ARHGEF3: variants seen among roughly 807,000 people sequenced by gnomAD.
ARHGEF3 encodes Rho guanine nucleotide exchange factor 3.
Under a neutral mutation model 63.2 loss-of-function variants are expected in ARHGEF3, and 28 were observed. The ratio of observed to expected loss-of-function variants is 0.44; its 90% CI spans 0.33 to 0.61. ARHGEF3 has a LOEUF of 0.61. ARHGEF3 is among the 20% of genes least tolerant of loss of function. The pLI, the probability that ARHGEF3 is intolerant of heterozygous loss-of-function variation, is 0.03. For synonymous variants in ARHGEF3, 266 were observed against 254.2 expected, an observed-to-expected ratio of 1.05 and a Z score of -0.44; for missense variants, 533 against 659.3, an observed-to-expected ratio of 0.81 and a Z score of 2.10.
intron 4 of ARHGEF3, chr3:56,882,267 T>G: frequency 1.3e-6 from 2 of 1,543,898 alleles, no homozygotes; most frequent in Non-Finnish European, 1.8e-6. Flanking sequence ...TCGGTGCCAG[T>G]GGGGGAAGAA....
intron 6 of ARHGEF3, among the ~76,000 whole-genome samples, chr3:56,750,369 G>A (rs2034663028): frequency 6.6e-6 from 1 of 152,126 alleles, no homozygotes; most frequent in Non-Finnish European, 1.5e-5. Flanking sequence ...ATAAATTTAT[G>A]ACTCCTAATC....
At position 56,801,923 on chromosome 3, in the gene ARHGEF3, C is replaced by G. The variant is rs1366368055; in HGVS notation, c.-125G>C. On this transcript the variant is annotated 5_prime_UTR_variant, in exon 1 of 10. Transcript: ENST00000296315. ...CGGCGGCGACACGGAGACCGACAGC[C>G]GGCTTCTAGCCGGGCAGGACTCGAC... is the stretch of plus-strand genomic sequence containing the variant. The G allele has an allele frequency of 2.8e-6, 4 of 1,404,622 alleles. No homozygotes were observed. Among genetic ancestry groups the G allele is most frequent in the Admixed American group, 2.1e-5 (1 of 46,610 alleles). The allele number at this position is 1,404,622 out of a possible 1,614,324, so 87.0% of individuals were successfully genotyped here. A position where few individuals can be genotyped will look rare whatever the true frequency, so the allele number is the denominator to read the frequency against.
At position 56,987,097 on chromosome 3, in the gene ARHGEF3, A is replaced by G. The variant is rs545516828; in HGVS notation, c.63-28208T>C. On this transcript the variant is annotated intron_variant, in intron 2 of 12. Coordinates refer to the ARHGEF3 transcript ENST00000338458. ...CATGGTGATGCATGCCTGTAGTCCC[A>G]GCTACTAGGAAGGCTAAGATGGGAG... 9.8e-5 allele frequency among the ~76,000 whole-genome samples: 15 copies of G among 152,288 alleles called. No homozygotes were observed. The South Asian group carries it at 2.9e-3, about 29-fold the overall frequency.
intron 1 of ARHGEF3, chr3:57,060,467 C>T (rs1456989175): frequency 6.6e-6 from 1 of 152,192 alleles, no homozygotes; most frequent in African/African-American, 2.4e-5. Context: ...CCTGTCCCCA[C>T]CCCCACAGTA....
chr3:56,842,250 A>C (rs868578878), intron 4 of ARHGEF3, among the ~76,000 whole-genome samples: 1 of 152,200 alleles, frequency 6.6e-6, no homozygotes, highest in African/African-American at 2.4e-5. Context: ...GTATAAATAC[A>C]TTTTTATTTT....
chr3:56,803,053 CAT>C (rs1409786962), upstream of ARHGEF3, among the ~76,000 whole-genome samples: 1 of 152,092 alleles, frequency 6.6e-6, no homozygotes. Context: ...CAAAGAATAT[CAT>C]ATATTTTCTA....
chr3:56,975,909 G>A, intron 2 of ARHGEF3: 1 of 268,058 alleles, frequency 3.7e-6, no homozygotes, highest in South Asian at 3.5e-5. Context: ...TATCCATGGA[G>A]ATTAATGGTA....
intron 2 of ARHGEF3, among the ~76,000 whole-genome samples, chr3:57,022,954 C>T (rs1255617495): frequency 2.0e-5 from 3 of 152,212 alleles, no homozygotes; most frequent in Non-Finnish European, 2.9e-5. Flanking sequence ...GGCTTGCTCT[C>T]TCAACATTCA....
chr3:56,732,188 C>G (rs1281488815), intron 9 of ARHGEF3, 50 bp downstream of exon 9: 1 of 1,605,716 alleles, frequency 6.2e-7, no homozygotes. Flanking sequence ...TCCCTCCAAA[C>G]TACCACGGCC....
intron 3 of ARHGEF3, among the ~76,000 whole-genome samples, chr3:56,884,809 C>T (rs2108265524): frequency 6.6e-6 from 1 of 152,288 alleles, no homozygotes; most frequent in Middle Eastern, 3.4e-3. Context: ...CCAGTGAAAC[C>T]AATTCACCAG....
At chr3:56,947,663 C>T (rs1018216082) in intron 3 of ARHGEF3, among the ~76,000 whole-genome samples, 7 of 152,058 alleles carry the variant, frequency 4.6e-5, no homozygotes, top group Admixed American at 2.6e-4. Context: ...ACTTAGACTG[C>T]CACACAATAA....
chr3:56,773,422 A>G (rs2036111594), intron 2 of ARHGEF3, among the ~76,000 whole-genome samples: 1 of 152,172 alleles, frequency 6.6e-6, no homozygotes, highest in African/African-American at 2.4e-5. Flanking sequence ...AGGCCCATAG[A>G]TATTTTAGGA....
chr3:56,986,764 G>A (rs963491170), intron 2 of ARHGEF3, among the ~76,000 whole-genome samples: 2 of 151,540 alleles, frequency 1.3e-5, no homozygotes, highest in African/African-American at 4.9e-5. Flanking sequence ...ACAGTAGGTA[G>A]GAAAGAAGTG....
At chr3:56,839,215 C>T (rs2039228204) in intron 4 of ARHGEF3, among the ~76,000 whole-genome samples, 1 of 151,862 alleles carries the variant, frequency 6.6e-6, no homozygotes, top group Non-Finnish European at 1.5e-5. Context: ...TAACCAGATA[C>T]ATTTGTGCAT....
chr3:56,867,599 A>G (rs145007939), intron 4 of ARHGEF3, among the ~76,000 whole-genome samples: 6 of 152,196 alleles, frequency 3.9e-5, no homozygotes, highest in South Asian at 4.2e-4. Context: ...CAGCCTCCCA[A>G]GTAGCCAGGA....
chr3:57,000,557 G>A (rs1461995977), intron 2 of ARHGEF3, among the ~76,000 whole-genome samples: 5 of 151,946 alleles, frequency 3.3e-5, no homozygotes, highest in Admixed American at 6.6e-5. Context: ...TGTGTGAGAC[G>A]GAGTCTCACT....
intron 2 of ARHGEF3, among the ~76,000 whole-genome samples, chr3:57,020,563 C>T (rs1203046701): frequency 1.3e-5 from 2 of 152,146 alleles, no homozygotes; most frequent in African/African-American, 2.4e-5. Flanking sequence ...TGAGTTCACT[C>T]GGGAAGCTCT....
chr3:56,919,692 C>T (rs1445908359), intron 3 of ARHGEF3, among the ~76,000 whole-genome samples: 2 of 152,230 alleles, frequency 1.3e-5, no homozygotes, highest in Admixed American at 6.5e-5. Flanking sequence ...ACTGAAACCA[C>T]AGCGACTAAG....
At chr3:57,014,084 A>C (rs941614423) in intron 2 of ARHGEF3, among the ~76,000 whole-genome samples, 1 of 152,052 alleles carries the variant, frequency 6.6e-6, no homozygotes, top group African/African-American at 2.4e-5. Flanking sequence ...GAGACCACGA[A>C]CCCGCCAGGA....
Sources: allele counts gnomAD v4.1 joint callset (sites outside exome capture counted in the v4.1 genomes callset), GRCh38; gene constraint gnomAD v4.1.1; transcripts MANE v1.5; gene names NCBI Gene and HGNC (gene_info 2026-07-23, HGNC 2026-07-21).